KLHL30: variants seen among roughly 807,000 people sequenced by gnomAD.
KLHL30 encodes the protein kelch like family member 30.
A neutral mutation model predicts 55.0 loss-of-function variants in KLHL30; 55 were observed. The ratio of observed to expected loss-of-function variants is 1.00; its 90% confidence interval spans 0.80 to 1.25. KLHL30 has a LOEUF of 1.25. Among genes scored for constraint, KLHL30 ranks in the 50% most tolerant of loss-of-function variants. The pLI, the probability that KLHL30 is intolerant of heterozygous loss-of-function variation, is 0.00. For missense variants in KLHL30, 786 were observed against 811.6 expected (o/e 0.97, Z 0.38); for synonymous variants, 356 against 372.6 (o/e 0.96, Z 0.51).
Position 238,149,082 on chromosome 2 carries a change from A to C in KLHL30, c.1415A>C (p.Glu472Ala), listed in dbSNP as rs1461443352. ...SSPRCAALHGELYLIGDNTKK... is the reference protein window; with the variant it reads ...SSPRCAALHGALYLIGDNTKK... Reference sequence around the variant, plus strand: ...CCTCGCTGTGCTGCACTGCACGGGGAGCTCTACCTCATTGGGGACAACACC... The same window carrying C: ...CCTCGCTGTGCTGCACTGCACGGGGCGCTCTACCTCATTGGGGACAACACC... Residue 472 changes from glutamate to alanine, a missense_variant, in exon 7 of 8, where the codon GAG (glutamate) becomes GCG (alanine). Glu to Ala is a moderately radical substitution (Grantham distance 107). Transcript: ENST00000409223. 8 of 1,612,938 alleles carry C rather than the reference A, an allele frequency of 5.0e-6. No homozygotes were observed. The highest frequency in any genetic ancestry group is 4.5e-5 in the East Asian group (2 of 44,878).
chr2:238,150,712 G>C, intron 7 of KLHL30, 102 bp from the exon 8 acceptor site: 2 of 1,360,796 alleles, frequency 1.5e-6, no homozygotes, highest in Non-Finnish European at 2.0e-6. Context: ...GGGCCAGGTG[G>C]CTGGCTGTCC....
At position 238,147,005 on chromosome 2, in the gene KLHL30, C is replaced by T. The variant is rs1235058452; in HGVS notation, c.1151-829C>T. On this transcript the variant is annotated intron_variant, in intron 5 of 7. Transcript: ENST00000409223. The surrounding 1 kb of genome is among the most constrained non-coding windows in gnomAD (Gnocchi z 5.8). ...TAGGTGACAGGGTGAGACTCCATCT[C>T]AAAAAAAAAAAAAAAAAGGCAGGCA... 9.1e-6 allele frequency among the ~76,000 whole-genome samples: 1 copy of T among 110,252 alleles called. No individual in the cohort carries two copies. Among genetic ancestry groups the T allele is most frequent in the Admixed American group, 8.9e-5 (1 of 11,264 alleles). The allele number at this position is 110,252 out of a possible 152,430, so 72.3% of individuals were successfully genotyped here. A position where few individuals can be genotyped will look rare whatever the true frequency, so the allele number is the denominator to read the frequency against.
chr2:238,149,257 G>A, intron 7 of KLHL30, 105 bp downstream of exon 7: 3 of 1,474,962 alleles, frequency 2.0e-6, no homozygotes, highest in Admixed American at 1.8e-5. Context: ...AGGGCCCACT[G>A]CGAAGGGGAC....
Position 238,141,080 on chromosome 2 carries a change from C to CG in KLHL30, c.328dup (p.Ala110GlyfsTer31). 6.2e-7 allele frequency: 1 copy of CG among 1,608,992 alleles called. No homozygotes were observed. Among genetic ancestry groups the CG allele is most frequent in the South Asian group, 1.1e-5 (1 of 90,916 alleles). On this transcript the variant is annotated frameshift_variant, in exon 2 of 8. Transcript: ENST00000409223. LOFTEE classifies it high-confidence loss of function. ...GGCAACGTGGAGGCGCTGACACGCA[C>CG]GGCTGCGCGCCTGCACTTCCCCTCG...
At chr2:238,148,151 G>A (rs1692682580) in intron 6 of KLHL30, 129 bp downstream of exon 6, 2 of 908,614 alleles carry the variant, frequency 2.2e-6, no homozygotes, top group East Asian at 6.5e-5. Flanking sequence ...AGAGCCGGCG[G>A]CCGCAGGCCT....
chr2:238,152,302 G>A lies in KLHL30; in HGVS notation c.*1237G>A. The stretch of plus-strand genomic sequence containing the variant: ...GGGTTCTGAGGACGGAAACCCCTGA[G>A]CCTCTTGAGCTTCTGTAGGTAGGGA... On this transcript the variant is annotated 3_prime_UTR_variant, in exon 8 of 8. Coordinates refer to ENST00000409223, the MANE Select transcript of KLHL30 (RefSeq NM_198582.4). 2.5e-6 allele frequency: 2 copies of A among 797,196 alleles called. No homozygotes were observed. The highest frequency in any genetic ancestry group is 5.7e-5 in the South Asian group (1 of 17,470). 49.4% of individuals were successfully genotyped at this position (797,196 alleles called of 1,614,324 possible).
At chr2:238,139,017 C>T (rs1211699833) in intron 1 of KLHL30, among the ~76,000 whole-genome samples, 1 of 152,208 alleles carries the variant, frequency 6.6e-6, no homozygotes, top group Non-Finnish European at 1.5e-5. Flanking sequence ...CAGGGCCACT[C>T]AGCCACAGTC....
intron 3 of KLHL30, among the ~76,000 whole-genome samples, chr2:238,144,409 AGG>A (rs1692601111): frequency 1.6e-5 from 2 of 127,642 alleles, no homozygotes; most frequent in Non-Finnish European, 3.4e-5. Flanking sequence ...GAAGGAAGGA[AGG>A]AAGGAAGGAA....
chr2:238,144,123 A>G (rs983410973), intron 3 of KLHL30, among the ~76,000 whole-genome samples: 1 of 152,186 alleles, frequency 6.6e-6, no homozygotes, highest in Non-Finnish European at 1.5e-5. Context: ...ACTTGGGCAC[A>G]TTGCTCTGCC....
chr2:238,139,805 C>T (rs1008531525), intron 1 of KLHL30, among the ~76,000 whole-genome samples: 1 of 152,220 alleles, frequency 6.6e-6, no homozygotes, highest in South Asian at 2.1e-4. Flanking sequence ...CCTGGGGTGA[C>T]CCGGGTCGAA....
intron 3 of KLHL30, 34 bp from the exon 4 acceptor site, chr2:238,144,868 C>T: frequency 2.0e-6 from 3 of 1,533,960 alleles, no homozygotes; most frequent in South Asian, 1.2e-5. Context: ...GGGAGCCTGG[C>T]AGCCTGACCC....
chr2:238,139,071 G>A (rs927021728), intron 1 of KLHL30, among the ~76,000 whole-genome samples: 3 of 152,164 alleles, frequency 2.0e-5, no homozygotes, highest in South Asian at 2.1e-4. Context: ...CTGCCCACTC[G>A]GCTTCCTCAC....
At chr2:238,146,497 T>C (rs1692650890) in intron 5 of KLHL30, among the ~76,000 whole-genome samples, 1 of 151,176 alleles carries the variant, frequency 6.6e-6, no homozygotes, top group Non-Finnish European at 1.5e-5. Context: ...ACCTCCATCT[T>C]CCAGGTTCAA....
chr2:238,151,220 G>C lies in KLHL30; in HGVS notation c.*155G>C. ...AGGGGTGATCAGACGGCATGGCTTG[G>C]AGGACACAGCCTTGGTCTCTGTGGC... On this transcript the variant is annotated 3_prime_UTR_variant, in exon 8 of 8. Coordinates refer to ENST00000409223, the MANE Select transcript of KLHL30 (RefSeq NM_198582.4). 9.4e-7 allele frequency: 1 copy of C among 1,062,212 alleles called. No homozygotes were observed. The allele number at this position is 1,062,212 out of a possible 1,614,324, so 65.8% of individuals were successfully genotyped here. A position where few individuals can be genotyped will look rare whatever the true frequency, so the allele number is the denominator to read the frequency against.
At chr2:238,143,033 C>G (rs1265553590) in intron 3 of KLHL30, 102 bp downstream of exon 3, 1 of 1,336,866 alleles carries the variant, frequency 7.5e-7, no homozygotes, top group Non-Finnish European at 9.7e-7. Context: ...TCGCAGAGGA[C>G]CGGGAGCTGT....
In KLHL30 at chr2:238,141,241, G is replaced by A; in HGVS notation, c.487G>A (p.Glu163Lys). 6.2e-7 allele frequency: 1 copy of A among 1,608,110 alleles called. No individual in the cohort carries two copies. The highest frequency in any genetic ancestry group is 8.5e-7 in the Non-Finnish European group (1 of 1,179,620). Reference protein sequence around the residue: ...KAWAFLRENFEAVAREDEFLQ... With the variant: ...KAWAFLRENFKAVAREDEFLQ... ...CTGGGCCTTCCTGCGAGAGAACTTT[G>A]AGGCTGTGGCACGTGAGGACGAGTT... Residue 163 changes from glutamate (E) to lysine (K), a missense_variant, in exon 2 of 8, where the codon GAG (glutamate) becomes AAG (lysine). Coordinates refer to ENST00000409223, the MANE Select transcript of KLHL30 (RefSeq NM_198582.4).
chr2:238,148,149 C>A, intron 6 of KLHL30, 127 bp downstream of exon 6: 1 of 918,412 alleles, frequency 1.1e-6, no homozygotes, highest in Non-Finnish European at 1.5e-6. Flanking sequence ...AGAGAGCCGG[C>A]GGCCGCAGGC....
rs1425249945 is a variant in KLHL30 at position 238,151,061 on chromosome 2, A to T, written c.1733A>T (p.His578Leu). Residue 578 changes from histidine (H) to leucine (L), a missense_variant, in exon 8 of 8, where the codon CAC (histidine) becomes CTC (leucine). Physicochemically the swap from His to Leu is moderately conservative, Grantham distance 99. Transcript: ENST00000409223. ...CAGCCCTCCGGCCCCACCCAGGAGC[A>T]CTAAACCAGGGCCAGGGTCCCCGGG... ...WTQPSGPTQE[H>L] 2 of 1,589,454 alleles carry T rather than the reference A, an allele frequency of 1.3e-6. No homozygotes were observed. Among genetic ancestry groups the T allele is most frequent in the South Asian group, 2.3e-5 (2 of 87,556 alleles).
intron 3 of KLHL30, among the ~76,000 whole-genome samples, chr2:238,144,416 A>AGGCAGGCAGGC (rs1692602793): frequency 2.2e-4 from 24 of 107,282 alleles, no homozygotes; most frequent in African/African-American, 6.8e-4. Context: ...GGAAGGAAGG[A>AGGCAGGCAGGC]AGGAAGGAAG....
Sources: gnomAD v4.1 joint callset for allele counts (sites outside exome capture counted in the v4.1 genomes callset) on GRCh38, gnomAD v4.1.1 for gene constraint, Gnocchi (gnomAD v3.1) non-coding constraint, MANE v1.5 for transcripts, NCBI Gene and HGNC (gene_info 2026-07-23, HGNC 2026-07-21) for gene names.